The following PTPRN2 variants were observed in gnomAD, a reference collection of about 807,000 sequenced individuals.
The protein encoded by PTPRN2 is receptor-type tyrosine-protein phosphatase N2.
PTPRN2 carries 74 observed loss-of-function variants against 118.8 expected under a neutral mutation model. That is an observed-to-expected ratio of 0.62 (90% CI 0.52 to 0.76). The LOEUF (loss-of-function observed/expected upper bound fraction) is 0.76. Ranked by LOEUF, PTPRN2 falls within the 30% of genes least tolerant of loss-of-function variation. The probability of loss-of-function intolerance (pLI) is 0.00; values close to 1 mark genes in which losing one functional copy is unlikely to be tolerated. For missense variants in PTPRN2, 1,481 were observed against 1,394.4 expected (o/e 1.06, Z -0.99); for synonymous variants, 641 against 608.0 (o/e 1.05, Z -0.80).
intron 5 of PTPRN2, among the ~76,000 whole-genome samples, chr7:158,174,487 T>A (rs754829334): frequency 5.3e-5 from 8 of 151,212 alleles, no homozygotes; most frequent in Non-Finnish European, 1.2e-4. Flanking sequence ...ACCATCATCA[T>A]CATCAGCAGC....
At chr7:158,020,231 G>T (rs1806770806) in intron 11 of PTPRN2, among the ~76,000 whole-genome samples, 1 of 151,960 alleles carries the variant, frequency 6.6e-6, no homozygotes, top group East Asian at 1.9e-4. Context: ...GTGCTTCTCA[G>T]CTACTGCAAC....
At chr7:157,842,252 G>A in intron 12 of PTPRN2, among the ~76,000 whole-genome samples, 1 of 151,998 alleles carries the variant, frequency 6.6e-6, no homozygotes, top group East Asian at 1.9e-4. Context: ...TGCTTTATGG[G>A]GTCATTTCAG....
chr7:158,271,081 AC>A (rs1347227134), intron 3 of PTPRN2, among the ~76,000 whole-genome samples: 3 of 51,980 alleles, frequency 5.8e-5, no homozygotes, highest in Admixed American at 2.0e-4. Flanking sequence ...CACCTGGACG[AC>A]CCCCTCCACC....
At chr7:157,920,302 A>G (rs1798626753) in intron 11 of PTPRN2, among the ~76,000 whole-genome samples, 1 of 152,238 alleles carries the variant, frequency 6.6e-6, no homozygotes, top group African/African-American at 2.4e-5. Context: ...AGAAAAGCAC[A>G]AGGCCCTAAG....
intron 2 of PTPRN2, among the ~76,000 whole-genome samples, chr7:158,363,073 G>A (rs1283713924): frequency 6.7e-6 from 1 of 150,078 alleles, no homozygotes; most frequent in Non-Finnish European, 1.5e-5. Context: ...CATGAGCCGA[G>A]GGGGACAGGA....
chr7:158,418,562 CTGTGT>C (rs1814973495), intron 2 of PTPRN2, among the ~76,000 whole-genome samples: 1 of 71,202 alleles, frequency 1.4e-5, no homozygotes, highest in African/African-American at 4.0e-5. Flanking sequence ...CCATGTCCCG[CTGTGT>C]TAAGTCACGG....
chr7:158,435,571 G>GT (rs1366173329), intron 2 of PTPRN2, among the ~76,000 whole-genome samples: 2 of 152,144 alleles, frequency 1.3e-5, no homozygotes, highest in Admixed American at 6.5e-5. Flanking sequence ...CCCACTCTGG[G>GT]TTTTTACCCA....
intron 13 of PTPRN2, among the ~76,000 whole-genome samples, chr7:157,661,105 T>C (rs1795862408): frequency 6.6e-6 from 1 of 152,208 alleles, no homozygotes. Flanking sequence ...CTCCGGCGGG[T>C]GGCTCAGTGC....
At chr7:158,404,578 CCAA>C (rs776874303) in intron 2 of PTPRN2, among the ~76,000 whole-genome samples, 2 of 152,078 alleles carry the variant, frequency 1.3e-5, no homozygotes, top group Non-Finnish European at 2.9e-5. Context: ...TATATCCACC[CCAA>C]CAACACCAGT....
At chr7:158,566,439 G>A (rs1432961060) in intron 1 of PTPRN2, among the ~76,000 whole-genome samples, 1 of 152,182 alleles carries the variant, frequency 6.6e-6, no homozygotes. Flanking sequence ...GCCTCCCGAG[G>A]ACAAGCTTTG....
chr7:157,779,339 C>T lies in PTPRN2; in HGVS notation c.1789-96402G>A, dbSNP rs1356131589. ...CTTGGTGACCTGAGGTGAAAGGTCA[C>T]GTGCTGGTCGCTTGTGCTGAGCAAG... On this transcript the variant is annotated intron_variant, in intron 12 of 22. Transcript: ENST00000389418. The surrounding 1 kb of genome is among the most constrained non-coding windows in gnomAD (Gnocchi z 4.7). 1.3e-5 allele frequency among the ~76,000 whole-genome samples: 2 copies of T among 152,158 alleles called. No homozygotes were observed. Among genetic ancestry groups the T allele is most frequent in the Non-Finnish European group, 2.9e-5 (2 of 68,028 alleles).
intron 5 of PTPRN2, among the ~76,000 whole-genome samples, chr7:158,181,759 A>G (rs1824730652): frequency 6.6e-6 from 1 of 152,192 alleles, no homozygotes; most frequent in African/African-American, 2.4e-5. Flanking sequence ...GTCGTGAATA[A>G]TCTTTTGTAT....
intron 11 of PTPRN2, among the ~76,000 whole-genome samples, chr7:157,967,058 G>T (rs1348234929): frequency 6.6e-6 from 1 of 152,240 alleles, no homozygotes; most frequent in African/African-American, 2.4e-5. Flanking sequence ...AGTGGCTCAT[G>T]CCCATAATCC....
chr7:158,498,765 T>C (rs1822139801), intron 1 of PTPRN2, among the ~76,000 whole-genome samples: 1 of 152,236 alleles, frequency 6.6e-6, no homozygotes, highest in Non-Finnish European at 1.5e-5. Flanking sequence ...AGCCAGGCTA[T>C]GCCGGGGATG....
chr7:157,829,076 C>T (rs1354945595), intron 12 of PTPRN2, among the ~76,000 whole-genome samples: 2 of 152,282 alleles, frequency 1.3e-5, no homozygotes, highest in Admixed American at 6.5e-5. Context: ...GCGATGCCAG[C>T]GCGGGGCGCA....
rs1803926741 is a variant in PTPRN2, at chr7:157,987,855, C to T, written c.1724-89118G>A. 6.6e-6 allele frequency among the ~76,000 whole-genome samples: 1 copy of T among 152,108 alleles called. No individual in the cohort carries two copies. Among genetic ancestry groups the T allele is most frequent in the South Asian group, 2.1e-4 (1 of 4,822 alleles). On this transcript the variant is annotated intron_variant, in intron 11 of 22. Coordinates refer to ENST00000389418, the MANE Select transcript of PTPRN2 (RefSeq NM_002847.5). The surrounding 1 kb of genome is among the most constrained non-coding windows in gnomAD (Gnocchi z 4.3). ...GGGGTGGCCCCATCACTTCTGACAC[C>T]TCCATCACTGATGCCCCCAGCTCTC...
At chr7:158,028,871 G>A (rs1807473350) in intron 11 of PTPRN2, 1 of 152,380 alleles carries the variant, frequency 6.6e-6, no homozygotes, top group Non-Finnish European at 1.5e-5. Context: ...ACCAGAAGGA[G>A]GGAGGCCACC....
chr7:157,586,080 C>T (rs1008705056), intron 17 of PTPRN2, among the ~76,000 whole-genome samples: 6 of 152,130 alleles, frequency 3.9e-5, no homozygotes, highest in African/African-American at 7.2e-5. Context: ...TCCAGCAAGA[C>T]CAAACCTTTG....
chr7:158,322,101 C>A (rs1044123278), intron 2 of PTPRN2, among the ~76,000 whole-genome samples: 12 of 152,296 alleles, frequency 7.9e-5, no homozygotes, highest in Admixed American at 7.8e-4. Context: ...CCTTGCAAAG[C>A]CCCTTCCTGT....
Sources: allele counts gnomAD v4.1 joint callset (sites outside exome capture counted in the v4.1 genomes callset), GRCh38; gene constraint gnomAD v4.1.1; non-coding constraint Gnocchi (gnomAD v3.1); transcripts MANE v1.5; gene names NCBI Gene and HGNC (gene_info 2026-07-23, HGNC 2026-07-21).